Variants in ZNF536 observed in about 807,000 individuals in gnomAD.
ZNF536 encodes zinc finger protein 536.
A neutral mutation model predicts 84.5 loss-of-function variants in ZNF536; 13 were observed. The observed-to-expected ratio is 0.15, with a 90% CI of 0.10 to 0.24. ZNF536 has a LOEUF of 0.24. Ranked by LOEUF, ZNF536 falls within the 10% of genes least tolerant of loss-of-function variation. ZNF536 has a pLI of 1.00. For missense variants in ZNF536, 1,536 were observed against 1,747.5 expected (o/e 0.88, Z 2.16); for synonymous variants, 811 against 742.5 (o/e 1.09, Z -1.50).
At chr19:30,625,307 T>C (rs911682829) in intron 1 of ZNF536, among the ~76,000 whole-genome samples, 21 of 152,288 alleles carry the variant, frequency 1.4e-4, no homozygotes, top group South Asian at 2.1e-4. Context: ...CCAAGAAGCA[T>C]TGGATCTCAA....
intron 1 of ZNF536, among the ~76,000 whole-genome samples, chr19:30,663,368 G>A (rs1003500271): frequency 2.6e-5 from 4 of 152,042 alleles, no homozygotes; most frequent in African/African-American, 4.8e-5. Context: ...TTTGAAACCC[G>A]AAACTCTGCA....
intron 1 of ZNF536, among the ~76,000 whole-genome samples, chr19:30,373,396 C>T (rs992229877): frequency 6.6e-6 from 1 of 151,818 alleles, no homozygotes; most frequent in African/African-American, 2.4e-5. Context: ...TAGAAATTCA[C>T]ACCCCCCACC....
intron 2 of ZNF536, among the ~76,000 whole-genome samples, chr19:30,307,741 C>T (rs974320235): frequency 6.6e-6 from 1 of 152,140 alleles, no homozygotes; most frequent in Non-Finnish European, 1.5e-5. Context: ...CAAGTAAAAC[C>T]GGCGACAATG....
intron 2 of ZNF536, among the ~76,000 whole-genome samples, chr19:30,450,810 C>A (rs1462777977): frequency 1.3e-5 from 2 of 152,292 alleles, no homozygotes; most frequent in Admixed American, 6.5e-5. Flanking sequence ...CCCCCTACGC[C>A]TCCCCCTGTC....
chr19:30,710,414 C>G (rs1256502957), intron 1 of ZNF536, among the ~76,000 whole-genome samples: 2 of 152,144 alleles, frequency 1.3e-5, no homozygotes, highest in African/African-American at 4.8e-5. Flanking sequence ...TTGTGGTGTA[C>G]CTGTAGTCCC....
intron 1 of ZNF536, among the ~76,000 whole-genome samples, chr19:30,673,117 T>G (rs1276021991): frequency 6.6e-6 from 1 of 152,130 alleles, no homozygotes; most frequent in Non-Finnish European, 1.5e-5. Flanking sequence ...CCCTGTCACA[T>G]GAGAATCGAG....
At chr19:30,311,307 G>A (rs1034364419) in intron 2 of ZNF536, among the ~76,000 whole-genome samples, 2 of 152,180 alleles carry the variant, frequency 1.3e-5, no homozygotes, top group South Asian at 2.1e-4. Flanking sequence ...AAAAAGGCAG[G>A]TGCCCTTTTG....
intron 2 of ZNF536, among the ~76,000 whole-genome samples, chr19:30,518,823 T>G (rs1177599247): frequency 2.6e-5 from 4 of 151,790 alleles, no homozygotes; most frequent in African/African-American, 9.7e-5. Flanking sequence ...TAGCAGTCAG[T>G]GTTGGGTGAT....
chr19:30,586,889 A>G (rs191988874), intron 1 of ZNF536, among the ~76,000 whole-genome samples: 95 of 152,388 alleles, frequency 6.2e-4, no homozygotes, highest in African/African-American at 2.2e-3. Context: ...ATTTAAAAGT[A>G]TATGAAAATC....
At chr19:30,657,200 G>A (rs141781005) in intron 1 of ZNF536, among the ~76,000 whole-genome samples, 2 of 152,308 alleles carry the variant, frequency 1.3e-5, no homozygotes, top group South Asian at 4.2e-4. Context: ...CTAACAGACT[G>A]GGGGAGAGCT....
rs1034836999 is a variant in ZNF536 at position 30,505,189 on chromosome 19, G to A, written c.2171-29658G>A. Among the ~76,000 whole-genome samples, 3 of 149,202 alleles carry A rather than the reference G, an allele frequency of 2.0e-5. No homozygotes were observed. In the East Asian group the frequency reaches 5.8e-4, roughly 29 times the overall value. ...ATTGTTTCAGCAATTCCCTTTTTATGAAATTATTCTCTCTATATATTATAT... is the reference window on the plus strand; with the variant it reads ...ATTGTTTCAGCAATTCCCTTTTTATAAAATTATTCTCTCTATATATTATAT... On this transcript the variant is annotated intron_variant, in intron 2 of 4. Transcript: ENST00000355537.
At chr19:30,471,831 AT>A (rs952871010) in intron 2 of ZNF536, among the ~76,000 whole-genome samples, 13 of 151,958 alleles carry the variant, frequency 8.6e-5, no homozygotes, top group Admixed American at 7.9e-4. Context: ...CAACTCTGTA[AT>A]TTTTTTTTAA....
intron 2 of ZNF536, among the ~76,000 whole-genome samples, chr19:30,340,835 T>C (rs1427995354): frequency 6.6e-6 from 1 of 152,184 alleles, no homozygotes; most frequent in East Asian, 1.9e-4. Flanking sequence ...TGATATCCTC[T>C]AAAAGATGTG....
chr19:30,558,627 G>C (rs1045003920), downstream of ZNF536, among the ~76,000 whole-genome samples: 11 of 152,334 alleles, frequency 7.2e-5, no homozygotes, highest in African/African-American at 2.6e-4. Context: ...TTTGCCTGTT[G>C]TTCCACTTTG....
chr19:30,710,184 C>T (rs111310558), intron 1 of ZNF536, among the ~76,000 whole-genome samples: 38 of 152,204 alleles, frequency 2.5e-4, no homozygotes, highest in African/African-American at 8.9e-4. Flanking sequence ...TTATTTAACC[C>T]TTTATAGAAA....
At chr19:30,477,568 C>T (rs955641741) in intron 2 of ZNF536, among the ~76,000 whole-genome samples, 7 of 152,168 alleles carry the variant, frequency 4.6e-5, no homozygotes, top group Admixed American at 4.6e-4. Flanking sequence ...CAGAGTATTC[C>T]AGCAGTGGTT....
At chr19:30,294,971 T>C (rs2045953194) in intron 2 of ZNF536, among the ~76,000 whole-genome samples, 1 of 152,298 alleles carries the variant, frequency 6.6e-6, no homozygotes, top group East Asian at 1.9e-4. Context: ...CCTCAGGCCA[T>C]TGCAGCTGCA....
intron 2 of ZNF536, among the ~76,000 whole-genome samples, chr19:30,480,124 C>T (rs558145763): frequency 2.0e-5 from 3 of 152,346 alleles, no homozygotes; most frequent in Admixed American, 6.5e-5. Flanking sequence ...CAGGTTTCAG[C>T]ACTGCTTTCC....
chr19:30,601,417 AT>A (rs1257272474), intron 1 of ZNF536, among the ~76,000 whole-genome samples: 2 of 152,108 alleles, frequency 1.3e-5, no homozygotes, highest in Non-Finnish European at 2.9e-5. Context: ...TAGGACCCTC[AT>A]TCTTAGCCTG....
Sources: allele counts gnomAD v4.1 joint callset (sites outside exome capture counted in the v4.1 genomes callset), GRCh38; gene constraint gnomAD v4.1.1; transcripts MANE v1.5; gene names NCBI Gene and HGNC (gene_info 2026-07-23, HGNC 2026-07-21).